The following PRUNE2 variants were observed in gnomAD, a reference collection of about 807,000 sequenced individuals.
PRUNE2 encodes prune homolog 2 with BCH domain.
Under a neutral mutation model 252.0 loss-of-function variants are expected in PRUNE2, and 164 were observed. The observed-to-expected ratio is 0.65, with a 90% CI of 0.57 to 0.74. PRUNE2 has a LOEUF of 0.74. Among genes scored for constraint, PRUNE2 ranks in the 30% least tolerant of loss-of-function variants. The probability of loss-of-function intolerance (pLI) is 0.00; values close to 1 mark genes in which losing one functional copy is unlikely to be tolerated. For synonymous variants in PRUNE2, 1,292 were observed against 1,350.2 expected, an observed-to-expected ratio of 0.96 and a Z score of 0.94; for missense variants, 3,495 against 3,711.0, an observed-to-expected ratio of 0.94 and a Z score of 1.51.
At chr9:76,805,077 C>T (rs945699947) in intron 6 of PRUNE2, among the ~76,000 whole-genome samples, 2 of 152,158 alleles carry the variant, frequency 1.3e-5, no homozygotes, top group African/African-American at 4.8e-5. Flanking sequence ...AGTCTCAGCC[C>T]CCAAAGTTCT....
chr9:76,766,798 C>T (rs2052446232), intron 6 of PRUNE2, among the ~76,000 whole-genome samples: 1 of 152,142 alleles, frequency 6.6e-6, no homozygotes, highest in African/African-American at 2.4e-5. Flanking sequence ...CATAGGGAGT[C>T]CAAACATCAC....
rs553150376 is a variant in PRUNE2, at chr9:76,644,655, C to T, written c.8728+84G>A. On this transcript the variant is annotated intron_variant, in intron 12 of 18. Transcript: ENST00000376718. The stretch of plus-strand genomic sequence containing the variant: ...ATAGGGTCTTTGAGATGTCATGTTC[C>T]GGAGAAGTCTAGACTCACTTCATGA... The T allele has an allele frequency of 2.7e-4, 356 of 1,302,850 alleles. 1 individual carries two copies. The highest frequency in any genetic ancestry group is 2.0e-3 in the African/African-American group (140 of 68,888). The allele number at this position is 1,302,850 out of a possible 1,614,324, so 80.7% of individuals were successfully genotyped here.
Position 76,614,375 on chromosome 9 carries a change from A to G in PRUNE2, c.*195T>C. 1.7e-6 allele frequency: 1 copy of G among 605,596 alleles called. No individual in the cohort carries two copies. The highest frequency in any genetic ancestry group is 2.9e-6 in the Non-Finnish European group (1 of 344,682). 37.5% of individuals were successfully genotyped at this position (605,596 alleles called of 1,614,324 possible). A position where few individuals can be genotyped will look rare whatever the true frequency, so the allele number is the denominator to read the frequency against. On this transcript the variant is annotated 3_prime_UTR_variant, in exon 19 of 19. Coordinates refer to ENST00000376718, the MANE Select transcript of PRUNE2 (RefSeq NM_015225.3). Reference sequence around the variant, plus strand: ...AAAATCTTTGAGGCACATAATTGGCAAAATAGGAAAGTACACACAATTTCA... The same window carrying G: ...AAAATCTTTGAGGCACATAATTGGCGAAATAGGAAAGTACACACAATTTCA...
intron 6 of PRUNE2, among the ~76,000 whole-genome samples, chr9:76,770,904 T>C (rs954486862): frequency 2.6e-5 from 4 of 152,122 alleles, no homozygotes; most frequent in African/African-American, 9.7e-5. Flanking sequence ...TGAAGGAAGA[T>C]ACCAAAAATT....
chr9:76,671,174 A>G (rs1383937462), intron 9 of PRUNE2, among the ~76,000 whole-genome samples: 3 of 146,394 alleles, frequency 2.0e-5, no homozygotes, highest in East Asian at 4.1e-4. Flanking sequence ...AGAAGAATGT[A>G]TAACTGGAAT....
At position 76,703,908 on chromosome 9, in the gene PRUNE2, T is replaced by C. The variant is rs41288767; in HGVS notation, c.7705A>G (p.Arg2569Gly). Residue 2569 changes from arginine (R) to glycine (G), a missense_variant, in exon 9 of 19, where the codon AGA becomes GGA. By Grantham distance (125) the Arg-to-Gly change is moderately radical. Transcript: ENST00000376718. Reference sequence around the variant, plus strand: ...AATTCTAATTCAGCTATGCTTTCTCTTTCTTCACAGGTCTCTGGCTTTGAG... The same window carrying C: ...AATTCTAATTCAGCTATGCTTTCTCCTTCTTCACAGGTCTCTGGCTTTGAG... ...SHSKPETCEE[R>G]ESIAELELYV... The C allele has an allele frequency of 0.027, 42,949 of 1,613,720 alleles. 778 individuals carry two copies. The highest frequency in any genetic ancestry group is 0.089 in the African/African-American group (6,683 of 74,998).
At chr9:76,827,932 T>C (rs1315470403) in intron 4 of PRUNE2, among the ~76,000 whole-genome samples, 3 of 152,244 alleles carry the variant, frequency 2.0e-5, no homozygotes, top group Non-Finnish European at 4.4e-5. Context: ...AAGCATTTCA[T>C]CCATTCATTC....
intron 15 of PRUNE2, among the ~76,000 whole-genome samples, chr9:76,632,996 C>A (rs1436227427): frequency 2.7e-5 from 4 of 150,818 alleles, no homozygotes; most frequent in East Asian, 2.0e-4. Flanking sequence ...CCGAGGCAGG[C>A]GGATCACTTG....
chr9:76,658,061 A>G (rs566366977), intron 9 of PRUNE2, among the ~76,000 whole-genome samples: 1 of 152,268 alleles, frequency 6.6e-6, no homozygotes, highest in South Asian at 2.1e-4. Context: ...AAACCCATGG[A>G]TATTAAAGAA....
chr9:76,747,575 C>A (rs541255718), intron 6 of PRUNE2, among the ~76,000 whole-genome samples: 1 of 152,210 alleles, frequency 6.6e-6, no homozygotes, highest in East Asian at 1.9e-4. Flanking sequence ...CTGGTGGACC[C>A]CAAAGCCTCC....
intron 17 of PRUNE2, among the ~76,000 whole-genome samples, chr9:76,620,600 G>A (rs1165338318): frequency 6.6e-6 from 1 of 152,150 alleles, no homozygotes; most frequent in Non-Finnish European, 1.5e-5. Context: ...GTGTTTTGTT[G>A]AAAATGACAG....
At chr9:76,686,388 T>C (rs1045708631) in intron 9 of PRUNE2, among the ~76,000 whole-genome samples, 1 of 152,202 alleles carries the variant, frequency 6.6e-6, no homozygotes, top group African/African-American at 2.4e-5. Context: ...AAAAACTTGG[T>C]GAGACACTCA....
chr9:76,658,354 G>A (rs78039036), intron 9 of PRUNE2, among the ~76,000 whole-genome samples: 5,352 of 152,172 alleles, frequency 0.035, 137 homozygotes, highest in Non-Finnish European at 0.055. Context: ...GCAAAACTCC[G>A]TCCCACTCCC....
At chr9:76,668,686 G>A (rs938317942) in intron 9 of PRUNE2, among the ~76,000 whole-genome samples, 18 of 151,954 alleles carry the variant, frequency 1.2e-4, no homozygotes, top group Non-Finnish European at 2.5e-4. Flanking sequence ...TTGAGGGCCT[G>A]TGGGGCCTCC....
intron 6 of PRUNE2, among the ~76,000 whole-genome samples, chr9:76,716,183 G>C (rs1402073717): frequency 6.6e-6 from 1 of 152,186 alleles, no homozygotes; most frequent in African/African-American, 2.4e-5. Flanking sequence ...CACACTTGTG[G>C]AAAGTTTCCT....
At chr9:76,758,416 T>C (rs997190974) in intron 6 of PRUNE2, 2 of 152,118 alleles carry the variant, frequency 1.3e-5, no homozygotes, top group African/African-American at 4.8e-5. Flanking sequence ...CTGCAGAGAG[T>C]TGCAGAAGAA....
intron 9 of PRUNE2, among the ~76,000 whole-genome samples, chr9:76,673,715 T>G (rs1378525240): frequency 2.0e-5 from 3 of 147,502 alleles, no homozygotes; most frequent in Non-Finnish European, 3.0e-5. Flanking sequence ...CATGATCAAG[T>G]GGGCTTCATC....
At chr9:76,638,438 G>T in intron 12 of PRUNE2, 150 bp from the exon 13 acceptor site, 1 of 611,784 alleles carries the variant, frequency 1.6e-6, no homozygotes, top group South Asian at 1.9e-5. Flanking sequence ...CTATAGGTCT[G>T]TAGGTATATA....
intron 6 of PRUNE2, among the ~76,000 whole-genome samples, chr9:76,795,731 G>A (rs553139499): frequency 1.3e-4 from 20 of 152,190 alleles, no homozygotes; most frequent in South Asian, 8.3e-4. Flanking sequence ...ATCCAAATAC[G>A]GTACTTTTAA....
Sources: allele counts gnomAD v4.1 joint callset (sites outside exome capture counted in the v4.1 genomes callset), GRCh38; gene constraint gnomAD v4.1.1; transcripts MANE v1.5; gene names NCBI Gene and HGNC (gene_info 2026-07-23, HGNC 2026-07-21).